Variants in MYO3A observed in about 807,000 individuals in gnomAD.
MYO3A encodes the protein myosin IIIA, also known as myosin-IIIa.
Under a neutral mutation model 192.7 loss-of-function variants are expected in MYO3A, and 180 were observed. The observed-to-expected ratio is 0.93, with a 90% confidence interval of 0.83 to 1.06. The LOEUF (loss-of-function observed/expected upper bound fraction) is 1.06. Among genes scored for constraint, MYO3A ranks in the 50% least tolerant of loss-of-function variants. MYO3A has a pLI of 0.00. For synonymous variants in MYO3A, 628 were observed against 645.3 expected (o/e 0.97, Z 0.41); for missense variants, 1,896 against 1,905.0 (o/e 1.00, Z 0.09).
chr10:26,035,163 G>A (rs1188300192), intron 10 of MYO3A, among the ~76,000 whole-genome samples: 5 of 152,076 alleles, frequency 3.3e-5, no homozygotes, highest in Non-Finnish European at 7.4e-5. Context: ...TCTAGGACCA[G>A]GAAATTTGGA....
chr10:26,182,902 G>A (rs1472316968), intron 31 of MYO3A, among the ~76,000 whole-genome samples: 1 of 152,188 alleles, frequency 6.6e-6, no homozygotes, highest in Non-Finnish European at 1.5e-5. Flanking sequence ...ATTCGCATGT[G>A]CTTCTGTTGT....
At chr10:26,044,298 A>G (rs1015182428) in intron 10 of MYO3A, among the ~76,000 whole-genome samples, 16 of 152,252 alleles carry the variant, frequency 1.1e-4, no homozygotes, top group Non-Finnish European at 2.2e-4. Flanking sequence ...GGGGTGGAGC[A>G]AACACTCCCT....
At position 26,125,524 on chromosome 10, in the gene MYO3A, C is replaced by T; in HGVS notation, c.2030C>T (p.Ala677Val). Residue 677 changes from alanine to valine, a missense_variant, in exon 19 of 35, where the codon GCC becomes GTC. Physicochemically the swap from Ala to Val is moderately conservative, Grantham distance 64 (BLOSUM62 0). Transcript: ENST00000642920. Reference sequence around the variant, plus strand: ...GAAAAAGCTACCGATGTCAGGGATGCCATGGCTAAAACTTTATATGGACGT... The same window carrying T: ...GAAAAAGCTACCGATGTCAGGGATGTCATGGCTAAAACTTTATATGGACGT... ...TVEKATDVRD[A>V]MAKTLYGRLF... The T allele has an allele frequency of 6.2e-7, 1 of 1,614,000 alleles. No homozygotes were observed. The highest frequency in any genetic ancestry group is 8.5e-7 in the Non-Finnish European group (1 of 1,179,910).
intron 27 of MYO3A, among the ~76,000 whole-genome samples, chr10:26,167,160 A>G (rs1841798960): frequency 6.6e-6 from 1 of 152,214 alleles, no homozygotes; most frequent in Non-Finnish European, 1.5e-5. Context: ...ACTATCAGCC[A>G]CACCACAGAA....
At chr10:26,126,380 AC>A (rs1839214725) in intron 19 of MYO3A, among the ~76,000 whole-genome samples, 1 of 152,214 alleles carries the variant, frequency 6.6e-6, no homozygotes, top group Admixed American at 6.5e-5. Context: ...GACCATTTAT[AC>A]ACATTTCAAG....
chr10:26,070,072 A>G (rs1426976095), intron 12 of MYO3A, 39 bp from the exon 13 acceptor site: 1 of 1,454,034 alleles, frequency 6.9e-7, no homozygotes, highest in East Asian at 2.3e-5. Context: ...TTAAATAAAA[A>G]CAAAAAGCCC....
At chr10:26,094,907 T>C (rs765178769) in intron 15 of MYO3A, among the ~76,000 whole-genome samples, 1 of 152,192 alleles carries the variant, frequency 6.6e-6, no homozygotes, top group Non-Finnish European at 1.5e-5. Flanking sequence ...ATGTACTTCA[T>C]ATGGAAAAGA....
intron 34 of MYO3A, among the ~76,000 whole-genome samples, chr10:26,205,484 G>GGC (rs1843877551): frequency 6.9e-6 from 1 of 144,148 alleles, no homozygotes; most frequent in Admixed American, 6.8e-5. Context: ...TTTTTTGGGG[G>GGC]GGGGCTTCCA....
intron 10 of MYO3A, among the ~76,000 whole-genome samples, chr10:26,063,794 T>G (rs902463298): frequency 4.4e-4 from 67 of 152,248 alleles, no homozygotes; most frequent in Non-Finnish European, 7.3e-5. Context: ...CACAGGGATG[T>G]ATAGTTTAAG....
chr10:26,131,220 C>A (rs1045568335), intron 20 of MYO3A, among the ~76,000 whole-genome samples: 1 of 152,114 alleles, frequency 6.6e-6, no homozygotes, highest in African/African-American at 2.4e-5. Context: ...CCTATTTAGT[C>A]CAATTTCAGT....
rs1046305722 is a variant in MYO3A, at chr10:26,157,548, C to A, written c.2999+33C>A. 5 of 1,586,022 alleles carry A rather than the reference C, an allele frequency of 3.2e-6. No homozygotes were observed. In the African/African-American group the frequency reaches 4.0e-5, roughly 13 times the overall value. On this transcript the variant is annotated intron_variant, in intron 26 of 34. Transcript: ENST00000642920. The stretch of plus-strand genomic sequence containing the variant: ...GATTTCTTTTTCAGTTTCTATTGTG[C>A]AGTTTATATAAAAATCATTCAGAAG...
chr10:25,974,338 T>C (rs1329801245), intron 4 of MYO3A, among the ~76,000 whole-genome samples: 1 of 152,256 alleles, frequency 6.6e-6, no homozygotes, highest in Non-Finnish European at 1.5e-5. Flanking sequence ...TTTGCTAAGC[T>C]GTCCAGTCTG....
At chr10:26,052,594 T>G (rs546715615) in intron 10 of MYO3A, among the ~76,000 whole-genome samples, 24 of 152,332 alleles carry the variant, frequency 1.6e-4, no homozygotes, top group Admixed American at 1.4e-3. Context: ...CAACGTTGGT[T>G]GTTCATGTTA....
rs772686879 is a variant in MYO3A, at chr10:26,211,990, C to T, written c.*27C>T. ...CGTTCAACGAGGCAGTCACCGCCGT[C>T]GGAAGGCGCTGGAGCCTGCGGGGCA... On this transcript the variant is annotated 3_prime_UTR_variant, in exon 35 of 35. Transcript: ENST00000642920. 4.4e-6 allele frequency: 7 copies of T among 1,607,260 alleles called. No individual in the cohort carries two copies. Among genetic ancestry groups the T allele is most frequent in the Non-Finnish European group, 6.0e-6 (7 of 1,174,974 alleles).
At chr10:26,084,147 A>T (rs970719205) in intron 14 of MYO3A, among the ~76,000 whole-genome samples, 1 of 152,240 alleles carries the variant, frequency 6.6e-6, no homozygotes, top group African/African-American at 2.4e-5. Flanking sequence ...AATTAAAAAA[A>T]GAAGAGGTGT....
chr10:26,034,899 A>G (rs1053553674), intron 10 of MYO3A, among the ~76,000 whole-genome samples: 2 of 150,192 alleles, frequency 1.3e-5, no homozygotes, highest in Admixed American at 6.6e-5. Flanking sequence ...ATTTGTTTCT[A>G]TGTTTTTGTG....
At chr10:26,141,029 G>A (rs1589026036) in intron 20 of MYO3A, among the ~76,000 whole-genome samples, 1 of 152,184 alleles carries the variant, frequency 6.6e-6, no homozygotes, top group East Asian at 1.9e-4. Flanking sequence ...CCAGGTTCAC[G>A]CCATTCTCCT....
At position 25,997,157 on chromosome 10, in the gene MYO3A, A is replaced by G; in HGVS notation, c.409-2A>G. ...AGTCATTATATATTTCTTATCTTCTAGGGACTTCAACATTTGCATAACAAC... is the reference window on the plus strand; with the variant it reads ...AGTCATTATATATTTCTTATCTTCTGGGGACTTCAACATTTGCATAACAAC... On this transcript the variant is annotated splice_acceptor_variant, in intron 5 of 34. Transcript: ENST00000642920. LOFTEE classifies it high-confidence loss of function. 6.2e-7 allele frequency: 1 copy of G among 1,609,324 alleles called. No homozygotes were observed. The highest frequency in any genetic ancestry group is 1.1e-5 in the South Asian group (1 of 90,976).
chr10:26,019,744 A>G (rs1027178629), intron 7 of MYO3A, among the ~76,000 whole-genome samples: 2 of 152,228 alleles, frequency 1.3e-5, no homozygotes, highest in Admixed American at 6.5e-5. Context: ...TTTAGAGTTG[A>G]ATAATATTCC....
Sources: gnomAD v4.1 joint callset for allele counts (sites outside exome capture counted in the v4.1 genomes callset) on GRCh38, gnomAD v4.1.1 for gene constraint, MANE v1.5 for transcripts, NCBI Gene and HGNC (gene_info 2026-07-23, HGNC 2026-07-21) for gene names.